Variants in HHAT observed in about 807,000 individuals in gnomAD.
HHAT encodes hedgehog acyltransferase.
Under a neutral mutation model 70.8 loss-of-function variants are expected in HHAT, and 47 were observed. That is an observed-to-expected ratio of 0.66 (90% confidence interval 0.53 to 0.85). The LOEUF (loss-of-function observed/expected upper bound fraction) is 0.85. HHAT is among the 40% of genes least tolerant of loss of function. The pLI is 0.00. For synonymous variants in HHAT, 228 were observed against 247.6 expected, an observed-to-expected ratio of 0.92 and a Z score of 0.74; for missense variants, 609 against 604.8, an observed-to-expected ratio of 1.01 and a Z score of -0.07.
At chr1:210,351,680 A>G (rs748349448) in intron 2 of HHAT, among the ~76,000 whole-genome samples, 11 of 152,320 alleles carry the variant, frequency 7.2e-5, no homozygotes, top group South Asian at 4.1e-4. Context: ...CGTGGCTGGC[A>G]GTTGGTGCTG....
At chr1:210,373,225 C>CA (rs1002651765) in intron 3 of HHAT, among the ~76,000 whole-genome samples, 47 of 151,826 alleles carry the variant, frequency 3.1e-4, no homozygotes, top group African/African-American at 1.1e-3. Context: ...TAACAAGACT[C>CA]AGAGAGAAAG....
intron 3 of HHAT, among the ~76,000 whole-genome samples, chr1:210,382,646 GA>G (rs1014199792): frequency 1.3e-5 from 2 of 152,208 alleles, no homozygotes; most frequent in African/African-American, 4.8e-5. Context: ...GGATGACGGA[GA>G]AGGGAGTGCA....
chr1:210,574,104 C>T (rs766951357), intron 9 of HHAT, among the ~76,000 whole-genome samples: 12 of 152,164 alleles, frequency 7.9e-5, no homozygotes, highest in South Asian at 2.1e-4. Context: ...TGAGGTAGCT[C>T]GGAAGTACTA....
intron 4 of HHAT, among the ~76,000 whole-genome samples, chr1:210,396,230 A>G (rs1231087957): frequency 1.6e-4 from 25 of 152,158 alleles, no homozygotes; most frequent in Non-Finnish European, 3.2e-4. Flanking sequence ...TCCTATTAGA[A>G]ATGGAAGAAC....
intron 2 of HHAT, among the ~76,000 whole-genome samples, chr1:210,349,701 A>G (rs1245754642): frequency 1.4e-5 from 2 of 146,748 alleles, no homozygotes; most frequent in African/African-American, 5.0e-5. Context: ...CGCCCAGGCT[A>G]GAGCAATGGT....
chr1:210,575,352 A>C lies in HHAT; in HGVS notation c.1044-12546A>C, dbSNP rs185175413. Among the ~76,000 whole-genome samples the C allele has an allele frequency of 5.9e-5, 9 of 152,222 alleles. No homozygotes were observed. In the East Asian group the frequency reaches 1.4e-3, roughly 23 times the overall value. On this transcript the variant is annotated intron_variant, in intron 9 of 11. Transcript: ENST00000261458. ...AGCCAGAAAATCTTGGTGGTTATTA[A>C]ACTGAGGCTTCAAGGACCTTTTTAT...
intron 4 of HHAT, among the ~76,000 whole-genome samples, chr1:210,389,726 C>A (rs1009503085): frequency 6.6e-6 from 1 of 152,184 alleles, no homozygotes; most frequent in Non-Finnish European, 1.5e-5. Context: ...TTAATTAAAC[C>A]TCTTCTTCAT....
intron 10 of HHAT, among the ~76,000 whole-genome samples, chr1:210,591,047 T>G (rs747149439): frequency 1.3e-5 from 2 of 152,270 alleles, no homozygotes; most frequent in African/African-American, 2.4e-5. Context: ...ATCTCAAGCA[T>G]CTATCCTTTC....
chr1:210,426,893 G>A (rs2093079588), intron 7 of HHAT, among the ~76,000 whole-genome samples: 1 of 152,112 alleles, frequency 6.6e-6, no homozygotes. Flanking sequence ...CAGTTTTTTG[G>A]AATAGTTTCA....
At chr1:210,461,374 C>T (rs2093975634) in intron 7 of HHAT, among the ~76,000 whole-genome samples, 1 of 152,172 alleles carries the variant, frequency 6.6e-6, no homozygotes, top group African/African-American at 2.4e-5. Flanking sequence ...TCTTGGCTCG[C>T]TGCAATCTCT....
At chr1:210,673,960 T>TTC (rs1317173218) in intron 11 of HHAT, among the ~76,000 whole-genome samples, 3 of 149,476 alleles carry the variant, frequency 2.0e-5, no homozygotes, top group Non-Finnish European at 4.5e-5. Context: ...CCTATTTCTT[T>TTC]TTTTTTTTTT....
chr1:210,540,518 C>T (rs939173646), intron 9 of HHAT, among the ~76,000 whole-genome samples: 6 of 139,080 alleles, frequency 4.3e-5, no homozygotes, highest in Admixed American at 1.5e-4. Flanking sequence ...CACACACAAA[C>T]ACACGCTCTC....
In HHAT at chr1:210,451,683, A is replaced by G. The variant is rs1294725743; in HGVS notation, c.857-12822A>G. On this transcript the variant is annotated intron_variant, in intron 7 of 11. Coordinates refer to ENST00000261458, the MANE Select transcript of HHAT (RefSeq NM_018194.6). The stretch of plus-strand genomic sequence containing the variant: ...ACCCTTGAACTCTTGGGATCAGGTG[A>G]TCCTCCCACCTCAGCCTCTCAAGTA... Among the ~76,000 whole-genome samples the G allele has an allele frequency of 2.6e-5, 4 of 152,222 alleles. No homozygotes were observed. The South Asian group carries it at 6.2e-4, about 24-fold the overall frequency.
At chr1:210,368,814 A>T (rs2089268415) in intron 3 of HHAT, among the ~76,000 whole-genome samples, 1 of 150,448 alleles carries the variant, frequency 6.6e-6, no homozygotes. Flanking sequence ...ACAGTGGCTC[A>T]CGCCTGTAAT....
chr1:210,377,655 G>A (rs996976872), intron 3 of HHAT, among the ~76,000 whole-genome samples: 4 of 152,194 alleles, frequency 2.6e-5, no homozygotes, highest in African/African-American at 7.2e-5. Flanking sequence ...CTGAAGATAC[G>A]CAAAATAACT....
intron 8 of HHAT, among the ~76,000 whole-genome samples, chr1:210,489,780 C>T (rs1304377428): frequency 6.6e-6 from 1 of 152,172 alleles, no homozygotes; most frequent in Admixed American, 6.5e-5. Flanking sequence ...GAGCACATAC[C>T]TTTGGATACA....
chr1:210,491,200 C>G (rs2094547543), intron 8 of HHAT, among the ~76,000 whole-genome samples: 2 of 132,910 alleles, frequency 1.5e-5, no homozygotes, highest in Non-Finnish European at 3.6e-5. Flanking sequence ...TCAAGCCTCT[C>G]AAGCTGAGCT....
At chr1:210,634,708 T>C (rs1671533759) in intron 11 of HHAT, among the ~76,000 whole-genome samples, 1 of 152,248 alleles carries the variant, frequency 6.6e-6, no homozygotes, top group African/African-American at 2.4e-5. Flanking sequence ...TAACTTACTT[T>C]AGTCATATTT....
At chr1:210,403,202 A>G (rs1246877672) in intron 5 of HHAT, among the ~76,000 whole-genome samples, 1 of 152,214 alleles carries the variant, frequency 6.6e-6, no homozygotes, top group Non-Finnish European at 1.5e-5. Flanking sequence ...GACTTATGAG[A>G]GTATATCAGA....
Sources: gnomAD v4.1 joint callset for allele counts (sites outside exome capture counted in the v4.1 genomes callset) on GRCh38, gnomAD v4.1.1 for gene constraint, MANE v1.5 for transcripts, NCBI Gene and HGNC (gene_info 2026-07-23, HGNC 2026-07-21) for gene names.